RFX3: variants seen among roughly 807,000 people sequenced by gnomAD.
The protein encoded by RFX3 is regulatory factor X3.
RFX3 carries 14 observed loss-of-function variants against 98.6 expected under a neutral mutation model. The ratio of observed to expected loss-of-function variants is 0.14; its 90% CI spans 0.09 to 0.22. The LOEUF is 0.22. Among genes scored for constraint, RFX3 ranks in the 10% least tolerant of loss-of-function variants. The probability of loss-of-function intolerance (pLI) is 1.00; values close to 1 mark genes in which losing one functional copy is unlikely to be tolerated. For synonymous variants in RFX3, 383 were observed against 328.4 expected, an observed-to-expected ratio of 1.17 and a Z score of -1.80; for missense variants, 639 against 926.9, an observed-to-expected ratio of 0.69 and a Z score of 4.03.
intron 4 of RFX3, among the ~76,000 whole-genome samples, chr9:3,329,407 C>CAAAAAAAAAAAAAAAAAAAA (rs1202028884): frequency 5.0e-4 from 19 of 38,138 alleles, no homozygotes; most frequent in Non-Finnish European, 6.6e-4. Flanking sequence ...GACTTCATCT[C>CAAAAAAAAAAAAAAAAAAAA]AAAAAAAAAA....
At chr9:3,315,246 A>C (rs1052711156) in intron 4 of RFX3, among the ~76,000 whole-genome samples, 19 of 152,052 alleles carry the variant, frequency 1.2e-4, no homozygotes, top group African/African-American at 4.1e-4. Flanking sequence ...AACTACATGG[A>C]AACTGAACAA....
At chr9:3,374,094 A>G (rs866464088) in intron 2 of RFX3, among the ~76,000 whole-genome samples, 116 of 132,018 alleles carry the variant, frequency 8.8e-4, no homozygotes, top group Middle Eastern at 7.8e-3. Context: ...ACACGCGCGC[A>G]CACACACACA....
intron 2 of RFX3, among the ~76,000 whole-genome samples, chr9:3,384,028 G>C (rs7024933): frequency 0.25 from 38,082 of 151,940 alleles, 5,438 homozygotes; most frequent in African/African-American, 0.39. Flanking sequence ...GAAATTTTTT[G>C]ATGACCGATT....
At chr9:3,355,505 C>T (rs925768451) in intron 2 of RFX3, among the ~76,000 whole-genome samples, 3 of 151,672 alleles carry the variant, frequency 2.0e-5, no homozygotes, top group African/African-American at 7.3e-5. Context: ...ATAATAAATC[C>T]TACATGTCTT....
chr9:3,505,224 A>ATATATGAATATATATTTATATG (rs1367394770), intron 1 of RFX3, among the ~76,000 whole-genome samples: 4 of 92,700 alleles, frequency 4.3e-5, no homozygotes, highest in Non-Finnish European at 7.1e-5. Flanking sequence ...ATATATATTT[A>ATATATGAATATATATTTATATG]TATATGAATA....
chr9:3,469,653 AAT>A (rs1352188186), intron 1 of RFX3, among the ~76,000 whole-genome samples: 2 of 152,164 alleles, frequency 1.3e-5, no homozygotes, highest in African/African-American at 4.8e-5. Context: ...TTCACATTAA[AAT>A]ACTGTCCAGT....
At chr9:3,375,764 T>G (rs1048843609) in intron 2 of RFX3, among the ~76,000 whole-genome samples, 8 of 151,958 alleles carry the variant, frequency 5.3e-5, no homozygotes, top group Non-Finnish European at 1.0e-4. Context: ...ATCGAGACCA[T>G]CCTGGCTAAC....
chr9:3,426,325 CT>C lies in RFX3; in HGVS notation c.-8-30730del, dbSNP rs917631096. Among the ~76,000 whole-genome samples the C allele has an allele frequency of 4.2e-3, 605 of 142,574 alleles. 1 individual carries two copies. Among genetic ancestry groups the C allele is most frequent in the Middle Eastern group, 0.011 (3 of 270 alleles). 93.5% of individuals were successfully genotyped at this position (142,574 alleles called of 152,430 possible). A position where few individuals can be genotyped will look rare whatever the true frequency, so the allele number is the denominator to read the frequency against. On this transcript the variant is annotated intron_variant, in intron 1 of 16. Coordinates refer to ENST00000617270, the MANE Select transcript of RFX3 (RefSeq NM_001282116.2). Reference sequence around the variant, plus strand: ...CATATCCATCATCTCAAATACCTATCTTTTTTTTTTTTTTGTATTACAAACA... The same window carrying C: ...CATATCCATCATCTCAAATACCTATCTTTTTTTTTTTTTGTATTACAAACA...
intron 7 of RFX3, among the ~76,000 whole-genome samples, chr9:3,278,662 T>C (rs760157610): frequency 2.0e-5 from 3 of 151,830 alleles, no homozygotes; most frequent in Non-Finnish European, 4.4e-5. Context: ...TACAAACTAA[T>C]GCTCAGCTTG....
At chr9:3,495,288 A>G (rs1217042479) in intron 1 of RFX3, among the ~76,000 whole-genome samples, 1 of 152,052 alleles carries the variant, frequency 6.6e-6, no homozygotes, top group Non-Finnish European at 1.5e-5. Context: ...TAGACATAAT[A>G]TGCAATTAAG....
At chr9:3,346,309 C>T (rs1438495304) in intron 3 of RFX3, among the ~76,000 whole-genome samples, 3 of 152,166 alleles carry the variant, frequency 2.0e-5, no homozygotes, top group Admixed American at 1.3e-4. Context: ...AAATACATCA[C>T]ATAAAAATTG....
intron 1 of RFX3, among the ~76,000 whole-genome samples, chr9:3,504,759 A>G (rs111216812): frequency 1.1e-5 from 1 of 94,872 alleles, no homozygotes; most frequent in East Asian, 4.2e-4. Context: ...TATATAAAAT[A>G]TATGCTATAT....
At chr9:3,502,261 A>G (rs988003403) in intron 1 of RFX3, among the ~76,000 whole-genome samples, 11 of 151,604 alleles carry the variant, frequency 7.3e-5, no homozygotes, top group Non-Finnish European at 1.6e-4. Context: ...CTGTCTCAAA[A>G]GAAAAAAAAA....
At chr9:3,356,609 C>T (rs1835803932) in intron 2 of RFX3, among the ~76,000 whole-genome samples, 1 of 151,776 alleles carries the variant, frequency 6.6e-6, no homozygotes, top group South Asian at 2.1e-4. Context: ...AACAACAGAA[C>T]CTCTCCCAAC....
chr9:3,225,563 C>T (rs1586635351), intron 16 of RFX3, among the ~76,000 whole-genome samples: 1 of 151,850 alleles, frequency 6.6e-6, no homozygotes, highest in Middle Eastern at 3.4e-3. Context: ...TTGGAATTTC[C>T]CTAAGTGTTA....
intron 2 of RFX3, among the ~76,000 whole-genome samples, chr9:3,360,081 T>C (rs1446260715): frequency 6.6e-6 from 1 of 152,148 alleles, no homozygotes; most frequent in Non-Finnish European, 1.5e-5. Context: ...AATAATTTTA[T>C]TTTCTACCCA....
intron 2 of RFX3, among the ~76,000 whole-genome samples, chr9:3,384,106 T>A (rs1319274171): frequency 6.6e-6 from 1 of 151,992 alleles, no homozygotes; most frequent in East Asian, 1.9e-4. Flanking sequence ...TCCCTAGAGG[T>A]TCCACAAAGG....
chr9:3,427,021 C>G (rs961318373), intron 1 of RFX3, among the ~76,000 whole-genome samples: 4 of 151,594 alleles, frequency 2.6e-5, no homozygotes, highest in Non-Finnish European at 5.9e-5. Context: ...ATTTCTAACC[C>G]GTTTACTCAT....
At chr9:3,456,175 T>C (rs549562673) in intron 1 of RFX3, among the ~76,000 whole-genome samples, 2 of 152,326 alleles carry the variant, frequency 1.3e-5, no homozygotes, top group East Asian at 1.9e-4. Context: ...CATGCTCGAA[T>C]AGTATCACAT....
Sources: gnomAD v4.1 joint callset for allele counts (sites outside exome capture counted in the v4.1 genomes callset) on GRCh38, gnomAD v4.1.1 for gene constraint, MANE v1.5 for transcripts, NCBI Gene and HGNC (gene_info 2026-07-23, HGNC 2026-07-21) for gene names.